Variants in STX12 observed in about 807,000 individuals in gnomAD.
The protein encoded by STX12 is syntaxin 12, also known as syntaxin-12.
A neutral mutation model predicts 42.2 loss-of-function variants in STX12; 17 were observed. That is an observed-to-expected ratio of 0.40 (90% CI 0.28 to 0.60). The LOEUF is 0.60. STX12 is among the 20% of genes least tolerant of loss of function. The pLI is 0.39. For missense variants in STX12, 297 were observed against 330.9 expected (o/e 0.90, Z 0.79); for synonymous variants, 108 against 116.7 (o/e 0.93, Z 0.48).
At position 27,823,243 on chromosome 1, in the gene STX12, AT is replaced by A. The variant is rs1326661495; in HGVS notation, c.*915del. 6.6e-6 allele frequency: 1 copy of A among 152,248 alleles called. No individual in the cohort carries two copies. The highest frequency in any genetic ancestry group is 1.5e-5 in the Non-Finnish European group (1 of 68,026). The allele number at this position is 152,248 out of a possible 1,614,324, so 9.4% of individuals were successfully genotyped here. A position where few individuals can be genotyped will look rare whatever the true frequency, so the allele number is the denominator to read the frequency against. On this transcript the variant is annotated 3_prime_UTR_variant, in exon 9 of 9. Coordinates refer to ENST00000373943, the MANE Select transcript of STX12 (RefSeq NM_177424.3). ...CTGTCAAAGGGCTGCCCCCTACCTTATAAGGGTTGCTGGGCATTTGAAGGCA... is the reference window on the plus strand; with the variant it reads ...CTGTCAAAGGGCTGCCCCCTACCTTAAAGGGTTGCTGGGCATTTGAAGGCA...
chr1:27,797,769 C>T (rs1191132193), intron 3 of STX12, among the ~76,000 whole-genome samples: 1 of 152,072 alleles, frequency 6.6e-6, no homozygotes, highest in Non-Finnish European at 1.5e-5. Flanking sequence ...AACCCCTTAA[C>T]TAAGTTCATT....
At chr1:27,795,048 G>T (rs1302413428) in intron 3 of STX12, among the ~76,000 whole-genome samples, 2 of 152,042 alleles carry the variant, frequency 1.3e-5, no homozygotes, top group Non-Finnish European at 2.9e-5. Context: ...ATGATTGAAC[G>T]TTTTAAATGA....
At chr1:27,803,961 C>A (rs11247689) in intron 4 of STX12, among the ~76,000 whole-genome samples, 18,780 of 150,490 alleles carry the variant, frequency 0.12, 3,865 homozygotes, top group African/African-American at 0.43. Context: ...AGATTGTGCC[C>A]CTGTGCTCCA....
intron 4 of STX12, among the ~76,000 whole-genome samples, chr1:27,803,372 G>T (rs1216460901): frequency 6.6e-6 from 1 of 152,178 alleles, no homozygotes; most frequent in Non-Finnish European, 1.5e-5. Context: ...ATTGACAGTT[G>T]ACTTCTCAAC....
At chr1:27,801,218 G>A (rs542178116) in intron 3 of STX12, among the ~76,000 whole-genome samples, 28 of 152,122 alleles carry the variant, frequency 1.8e-4, no homozygotes, top group Non-Finnish European at 3.5e-4. Flanking sequence ...GGCCAACATG[G>A]CGAAACCCCA....
At chr1:27,792,206 ATATG>A (rs1314079530) in intron 2 of STX12, among the ~76,000 whole-genome samples, 2 of 134,304 alleles carry the variant, frequency 1.5e-5, no homozygotes, top group Non-Finnish European at 3.2e-5. Context: ...ATATACATAT[ATATG>A]TATCTATATA....
chr1:27,775,249 T>G (rs1216023101), intron 1 of STX12, among the ~76,000 whole-genome samples: 1 of 152,156 alleles, frequency 6.6e-6, no homozygotes, highest in Non-Finnish European at 1.5e-5. Context: ...CAAAGGTAGA[T>G]CCGACATACA....
In STX12 at chr1:27,811,038, G is replaced by A. The variant is rs146519886; in HGVS notation, c.470+749G>A. On this transcript the variant is annotated intron_variant, in intron 5 of 8. Coordinates refer to ENST00000373943, the MANE Select transcript of STX12 (RefSeq NM_177424.3). The stretch of plus-strand genomic sequence containing the variant: ...TTTAAATGCTTGAAAATAAAGAGGC[G>A]TTGGGGCATGGTGGCTCAAGCCTGT... 1.1e-4 allele frequency among the ~76,000 whole-genome samples: 16 copies of A among 152,006 alleles called. No homozygotes were observed. In the East Asian group the frequency reaches 2.7e-3, roughly 26 times the overall value.
chr1:27,805,723 G>A (rs918860589), intron 4 of STX12, among the ~76,000 whole-genome samples: 9 of 152,056 alleles, frequency 5.9e-5, no homozygotes, highest in Non-Finnish European at 7.4e-5. Context: ...AGCTTTTTTC[G>A]TCTAGGATTA....
At chr1:27,800,749 G>A (rs2088822704) in intron 3 of STX12, among the ~76,000 whole-genome samples, 2 of 151,906 alleles carry the variant, frequency 1.3e-5, no homozygotes, top group South Asian at 4.1e-4. Context: ...GAACTCCTAG[G>A]CTCAAGTGAT....
At chr1:27,793,713 A>T in intron 3 of STX12, 81 bp downstream of exon 3, 1 of 1,189,666 alleles carries the variant, frequency 8.4e-7, no homozygotes, top group East Asian at 2.5e-5. Context: ...AAAAAAAAAT[A>T]AGTTGGCCTT....
At chr1:27,777,090 C>T (rs1329887808) in intron 1 of STX12, among the ~76,000 whole-genome samples, 9 of 151,992 alleles carry the variant, frequency 5.9e-5, no homozygotes, top group South Asian at 2.1e-4. Flanking sequence ...TTTCTGTGTG[C>T]GGGGGGAGTA....
At chr1:27,813,578 T>G (rs2088919188) in intron 6 of STX12, among the ~76,000 whole-genome samples, 1 of 152,170 alleles carries the variant, frequency 6.6e-6, no homozygotes, top group Non-Finnish European at 1.5e-5. Flanking sequence ...AGGGAAATTT[T>G]GAGCTCTTCC....
intron 3 of STX12, among the ~76,000 whole-genome samples, chr1:27,795,142 T>C (rs1253958669): frequency 6.6e-6 from 1 of 152,150 alleles, no homozygotes; most frequent in Non-Finnish European, 1.5e-5. Flanking sequence ...GGGTTGTGGC[T>C]AGTGGAACAT....
In STX12 at chr1:27,801,732, A is replaced by G; in HGVS notation, c.343A>G (p.Asn115Asp). Residue 115 changes from asparagine (N) to aspartate (D), a missense_variant, in exon 4 of 9, where the codon AAC becomes GAC. By Grantham distance (23) the Asn-to-Asp change is conservative (BLOSUM62 1). Coordinates refer to ENST00000373943, the MANE Select transcript of STX12 (RefSeq NM_177424.3). ...CATGAATGACTTCTCTGCAGCCTTA[A>G]ACAATTTCCAGGCTGTGCAGAGAAG... is the stretch of plus-strand genomic sequence containing the variant. ...RLMNDFSAAL[N>D]NFQAVQRRVS... 6.3e-7 allele frequency: 1 copy of G among 1,593,096 alleles called. No homozygotes were observed. Among genetic ancestry groups the G allele is most frequent in the African/African-American group, 1.4e-5 (1 of 73,394 alleles).
chr1:27,805,776 T>A (rs1313513114), intron 4 of STX12, among the ~76,000 whole-genome samples: 2 of 152,228 alleles, frequency 1.3e-5, no homozygotes, highest in African/African-American at 4.8e-5. Context: ...ATTGTTCTGG[T>A]TGAAGTATCT....
At chr1:27,807,726 A>G (rs1051338789) in intron 4 of STX12, among the ~76,000 whole-genome samples, 1 of 152,236 alleles carries the variant, frequency 6.6e-6, no homozygotes, top group Non-Finnish European at 1.5e-5. Flanking sequence ...ACCAGGATGT[A>G]TGTACAAGAA....
chr1:27,816,615 G>C (rs1301054468), intron 6 of STX12, among the ~76,000 whole-genome samples: 2 of 135,090 alleles, frequency 1.5e-5, no homozygotes. Context: ...GAGGGATAGA[G>C]AGAGAAGGGA....
At chr1:27,780,910 G>A (rs548241591) in intron 1 of STX12, among the ~76,000 whole-genome samples, 1 of 151,610 alleles carries the variant, frequency 6.6e-6, no homozygotes, top group African/African-American at 2.4e-5. Context: ...AGTGAGCCGA[G>A]ATCACGTCAC....
Sources: gnomAD v4.1 joint callset for allele counts (sites outside exome capture counted in the v4.1 genomes callset) on GRCh38, gnomAD v4.1.1 for gene constraint, MANE v1.5 for transcripts, NCBI Gene and HGNC (gene_info 2026-07-23, HGNC 2026-07-21) for gene names.